AATK: variants seen among roughly 807,000 people sequenced by gnomAD.
AATK encodes the protein lemur tail kinase 1, also known as serine/threonine-protein kinase LMTK1.
A neutral mutation model predicts 114.3 loss-of-function variants in AATK; 91 were observed. The observed-to-expected ratio is 0.80, with a 90% CI of 0.67 to 0.95. AATK has a LOEUF of 0.95. AATK is among the 40% of genes least tolerant of loss of function. The pLI is 0.00. For synonymous variants in AATK, 1,075 were observed against 916.5 expected (o/e 1.17, Z -3.12); for missense variants, 2,176 against 1,965.2 (o/e 1.11, Z -2.03).
chr17:81,146,726 A>G (rs1353023658), intron 1 of AATK, among the ~76,000 whole-genome samples: 2 of 152,084 alleles, frequency 1.3e-5, no homozygotes, highest in Non-Finnish European at 2.9e-5. Flanking sequence ...CTCAAAACAA[A>G]TAACAACAAA....
At chr17:81,145,557 A>AC (rs1286066400) in intron 1 of AATK, among the ~76,000 whole-genome samples, 2 of 151,566 alleles carry the variant, frequency 1.3e-5, no homozygotes, top group Non-Finnish European at 2.9e-5. Flanking sequence ...ATATGATGAA[A>AC]CCCCGTCTCT....
In AATK at chr17:81,126,473, CCTCACAGGCCAT is replaced by C; in HGVS notation, c.697_708del (p.Met233_Glu236del). The C allele has an allele frequency of 6.4e-7, 1 of 1,557,632 alleles. No homozygotes were observed. The highest frequency in any genetic ancestry group is 8.7e-7 in the Non-Finnish European group (1 of 1,150,858). ...TGAAGGTGCAGGACGCCACAGGCCA[CCTCACAGGCCAT>C]GCGCTGCAGGGTCCGGGGGTCGGGA... On this transcript the variant is annotated inframe_deletion, in exon 7 of 14. Coordinates refer to ENST00000326724, the MANE Select transcript of AATK (RefSeq NM_001080395.3). This position sits in a 1 kb window ranked among gnomAD's most constrained non-coding sequence, Gnocchi z 5.1.
intron 1 of AATK, among the ~76,000 whole-genome samples, chr17:81,139,040 GCA>G (rs920611487): frequency 1.3e-5 from 2 of 151,860 alleles, no homozygotes; most frequent in African/African-American, 4.8e-5. Context: ...ACACCCACAG[GCA>G]CACACACCCG....
In AATK at chr17:81,145,002, G is replaced by A. The variant is rs145961313; in HGVS notation, c.56-10501C>T. The stretch of plus-strand genomic sequence containing the variant: ...AATCCCAACACTTTGGGAGGCCGAG[G>A]TGAGTGGATCACTTGAGGTCAGGAG... On this transcript the variant is annotated intron_variant, in intron 1 of 13. Transcript: ENST00000326724. 2.2e-3 allele frequency among the ~76,000 whole-genome samples: 342 copies of A among 152,288 alleles called. 1 individual carries two copies. Among genetic ancestry groups the A allele is most frequent in the African/African-American group, 7.9e-3 (327 of 41,544 alleles).
intron 1 of AATK, among the ~76,000 whole-genome samples, chr17:81,148,292 G>A (rs942346857): frequency 2.0e-5 from 3 of 152,162 alleles, no homozygotes; most frequent in East Asian, 1.9e-4. Context: ...CGCGCTGGAC[G>A]CAGAATGGCC....
At chr17:81,144,853 T>G (rs1351547737) in intron 1 of AATK, among the ~76,000 whole-genome samples, 1 of 152,134 alleles carries the variant, frequency 6.6e-6, no homozygotes, top group African/African-American at 2.4e-5. Flanking sequence ...CGTCAAAAGC[T>G]ACAATAATTA....
At chr17:81,143,131 G>A (rs764496209) in intron 1 of AATK, among the ~76,000 whole-genome samples, 9 of 152,248 alleles carry the variant, frequency 5.9e-5, no homozygotes, top group Admixed American at 2.6e-4. Flanking sequence ...GGAGAGTTCC[G>A]AGAGTGGCCT....
chr17:81,138,696 A>T (rs4969401), intron 1 of AATK, among the ~76,000 whole-genome samples: 3 of 147,396 alleles, frequency 2.0e-5, no homozygotes, highest in South Asian at 2.1e-4. Flanking sequence ...CACACACCCA[A>T]GCACGCAGAT....
intron 2 of AATK, among the ~76,000 whole-genome samples, chr17:81,131,493 C>G (rs1225599819): frequency 6.6e-6 from 1 of 152,188 alleles, no homozygotes; most frequent in Admixed American, 6.5e-5. Flanking sequence ...ATCTCAGACT[C>G]CAGAAAGGGC....
Position 81,119,394 on chromosome 17 carries a change from G to A in AATK, c.4070C>T (p.Ala1357Val). The change falls in exon 13 of 14, where the codon GCC becomes GTC. Residue 1357 changes from alanine (A) to valine (V), a missense_variant. Physicochemically the swap from Ala to Val is moderately conservative, Grantham distance 64 (BLOSUM62 0). Transcript: ENST00000326724. ...CCAGGCCTCACCTCTCTTGGACTCG[G>A]CGTCCGAGTCAGACACGTGCGTGAT... ...FSITHVSDSD[A>V]ESKRGPEAGA... The A allele has an allele frequency of 6.4e-7, 1 of 1,560,832 alleles. No individual in the cohort carries two copies. The highest frequency in any genetic ancestry group is 8.6e-7 in the Non-Finnish European group (1 of 1,160,726).
chr17:81,148,282 C>G (rs890214927), intron 1 of AATK, among the ~76,000 whole-genome samples: 1 of 152,200 alleles, frequency 6.6e-6, no homozygotes, highest in Non-Finnish European at 1.5e-5. Context: ...CTTACAGAGC[C>G]GCGCTGGACG....
At chr17:81,130,335 C>T (rs2060910237) in intron 3 of AATK, among the ~76,000 whole-genome samples, 1 of 152,166 alleles carries the variant, frequency 6.6e-6, no homozygotes, top group African/African-American at 2.4e-5. Flanking sequence ...CACCCACCAC[C>T]TAGGCTCCAA....
At position 81,121,932 on chromosome 17, in the gene AATK, T is replaced by C. The variant is rs907616671; in HGVS notation, c.2004A>G (p.Gly668=). The C allele has an allele frequency of 1.9e-6, 3 of 1,600,536 alleles. No homozygotes were observed. The East Asian group carries it at 6.7e-5, about 36-fold the overall frequency. Reference sequence around the variant, plus strand: ...GCCCGCGCTGGGCGGCCCTCCGCGCTCCCACCTCCTCTAGCTCATCCTCGC... The same window carrying C: ...GCCCGCGCTGGGCGGCCCTCCGCGCCCCCACCTCCTCTAGCTCATCCTCGC... ...LTGEDELEEV[G]ARRAAQRGHW... is the part of the protein sequence containing the mutation. Residue 668 remains glycine (G), a synonymous_variant, in exon 11 of 14, where the codon GGA becomes GGG. Transcript: ENST00000326724.
At chr17:81,141,530 T>C (rs909921338) in intron 1 of AATK, among the ~76,000 whole-genome samples, 2 of 151,758 alleles carry the variant, frequency 1.3e-5, no homozygotes, top group South Asian at 2.1e-4. Context: ...CTGTAATCAG[T>C]GGCCACAGGA....
At chr17:81,161,842 A>C (rs2725412) in intron 1 of AATK, among the ~76,000 whole-genome samples, 46,272 of 151,962 alleles carry the variant, frequency 0.3, 7,900 homozygotes, top group East Asian at 0.41. Context: ...CCAAACATGC[A>C]GGGTGGCACA....
chr17:81,118,163 GC>G lies in AATK; in HGVS notation c.*238del. The G allele has an allele frequency of 1.8e-6, 1 of 553,276 alleles. No individual in the cohort carries two copies. The highest frequency in any genetic ancestry group is 3.2e-6 in the Non-Finnish European group (1 of 309,070). The allele number at this position is 553,276 out of a possible 1,614,324, so 34.3% of individuals were successfully genotyped here. A position where few individuals can be genotyped will look rare whatever the true frequency, so the allele number is the denominator to read the frequency against. On this transcript the variant is annotated 3_prime_UTR_variant, in exon 14 of 14. Coordinates refer to ENST00000326724, the MANE Select transcript of AATK (RefSeq NM_001080395.3). ...ACTGTGGCTCCAGGCGCCCCCAGGGGCTAGCAGCAAGCCTAAAAGCCCAGAC... is the reference window on the plus strand; with the variant it reads ...ACTGTGGCTCCAGGCGCCCCCAGGGGTAGCAGCAAGCCTAAAAGCCCAGAC...
chr17:81,149,535 A>C (rs1439434671), intron 1 of AATK, among the ~76,000 whole-genome samples: 1 of 151,612 alleles, frequency 6.6e-6, no homozygotes, highest in African/African-American at 2.4e-5. Flanking sequence ...GCCCAGGAGG[A>C]CCCTGCTCAC....
chr17:81,160,798 G>A (rs908937111), intron 1 of AATK, among the ~76,000 whole-genome samples: 5 of 152,348 alleles, frequency 3.3e-5, no homozygotes, highest in South Asian at 2.1e-4. Context: ...AGCCTACCCC[G>A]GAAGAACCCC....
chr17:81,148,064 CA>C (rs35731140), intron 1 of AATK, among the ~76,000 whole-genome samples: 2,366 of 101,344 alleles, frequency 0.023, 19 homozygotes, highest in East Asian at 0.099. Flanking sequence ...ACAACTTTGT[CA>C]AAAAAAAAAA....
Sources: allele counts gnomAD v4.1 joint callset (sites outside exome capture counted in the v4.1 genomes callset), GRCh38; gene constraint gnomAD v4.1.1; non-coding constraint Gnocchi (gnomAD v3.1); transcripts MANE v1.5; gene names NCBI Gene and HGNC (gene_info 2026-07-23, HGNC 2026-07-21).